SSC4D: variants seen among roughly 807,000 people sequenced by gnomAD.
SSC4D encodes the protein scavenger receptor cysteine rich family member with 4 domains.
In SSC4D, 57 loss-of-function variants were observed where a neutral mutation model predicts 63.4. That is an observed-to-expected ratio of 0.90 (90% CI 0.73 to 1.12). The LOEUF (loss-of-function observed/expected upper bound fraction) is 1.12. Among genes scored for constraint, SSC4D ranks in the 50% most tolerant of loss-of-function variants. SSC4D has a pLI of 0.00. For synonymous variants in SSC4D, 352 were observed against 345.4 expected, an observed-to-expected ratio of 1.02 and a Z score of -0.21; for missense variants, 791 against 806.4, an observed-to-expected ratio of 0.98 and a Z score of 0.23.
At chr7:76,400,796 C>T (rs928173662) in intron 3 of SSC4D, among the ~76,000 whole-genome samples, 80 of 152,158 alleles carry the variant, frequency 5.3e-4, no homozygotes, top group African/African-American at 1.7e-3. Context: ...ACGTGCACTA[C>T]GGGACCCAGC....
At chr7:76,392,813 T>A (rs1434589819) in intron 9 of SSC4D, among the ~76,000 whole-genome samples, 1 of 150,216 alleles carries the variant, frequency 6.7e-6, no homozygotes, top group East Asian at 1.9e-4. Context: ...AAAAAAGAAA[T>A]AGGTGTTGTG....
intron 2 of SSC4D, 108 bp downstream of exon 2, chr7:76,404,199 A>G: frequency 7.1e-7 from 1 of 1,405,210 alleles, no homozygotes; most frequent in Non-Finnish European, 9.4e-7. Context: ...ATTGGAAAGA[A>G]CAACAGGAAC....
rs1175891252 is a variant in SSC4D at position 76,390,291 on chromosome 7, T to A, written c.1496A>T (p.Asp499Val). 2 of 1,613,938 alleles carry A rather than the reference T, an allele frequency of 1.2e-6. No homozygotes were observed. Among genetic ancestry groups the A allele is most frequent in the Admixed American group, 3.3e-5 (2 of 60,004 alleles). The change falls in exon 11 of 11, where the codon GAT becomes GTT. Residue 499 changes from aspartate to valine, a missense_variant. Asp to Val is a radical substitution (Grantham distance 152). Coordinates refer to ENST00000275560, the MANE Select transcript of SSC4D (RefSeq NM_080744.2). Reference sequence around the variant, plus strand: ...GGCTGCCCGCAGGTCCCAAGCATCATCACAGACAGTGCCCCACCGTTGCCC... The same window carrying A: ...GGCTGCCCGCAGGTCCCAAGCATCAACACAGACAGTGCCCCACCGTTGCCC... ...YLGQRWGTVCDDAWDLRAAGV... is the reference protein window; with the variant it reads ...YLGQRWGTVCVDAWDLRAAGV...
At chr7:76,398,600 C>G in intron 5 of SSC4D, 120 bp downstream of exon 5, 1 of 1,179,082 alleles carries the variant, frequency 8.5e-7, no homozygotes, top group East Asian at 2.6e-5. Context: ...CCACCATGCC[C>G]AGCCATTTTC....
At chr7:76,408,091 G>A (rs555297603) in intron 1 of SSC4D, among the ~76,000 whole-genome samples, 3 of 152,284 alleles carry the variant, frequency 2.0e-5, no homozygotes, top group Middle Eastern at 3.4e-3. Context: ...TGTAGGAGGC[G>A]GCGGTAGAGA....
chr7:76,401,656 A>G (rs1804834064), intron 2 of SSC4D, among the ~76,000 whole-genome samples: 1 of 152,162 alleles, frequency 6.6e-6, no homozygotes, highest in African/African-American at 2.4e-5. Context: ...ACCTCAGGTA[A>G]TCCACCCACT....
At position 76,389,702 on chromosome 7, in the gene SSC4D, G is replaced by A; in HGVS notation, c.*357C>T. On this transcript the variant is annotated 3_prime_UTR_variant, in exon 11 of 11. Transcript: ENST00000275560. ...GAGATACCCCATTTAAAGAGCCCCT[G>A]AGCCTCCTGGATCTAGGTCAAGGAA... 1 of 239,186 alleles carries A rather than the reference G, an allele frequency of 4.2e-6. No homozygotes were observed. Among genetic ancestry groups the A allele is most frequent in the South Asian group, 6.5e-5 (1 of 15,304 alleles). The allele number at this position is 239,186 out of a possible 1,614,324, so 14.8% of individuals were successfully genotyped here. A position where few individuals can be genotyped will look rare whatever the true frequency, so the allele number is the denominator to read the frequency against.
chr7:76,402,438 T>C (rs892114112), intron 2 of SSC4D, among the ~76,000 whole-genome samples: 1 of 152,112 alleles, frequency 6.6e-6, no homozygotes, highest in Admixed American at 6.6e-5. Flanking sequence ...TGCCTCAGCC[T>C]CCCAAAGTGC....
chr7:76,397,345 G>C (rs1463128681), intron 6 of SSC4D, among the ~76,000 whole-genome samples, 173 bp downstream of exon 6: 1 of 152,228 alleles, frequency 6.6e-6, no homozygotes, highest in Non-Finnish European at 1.5e-5. Context: ...GGCACTTCTA[G>C]AACAGGACTG....
intron 7 of SSC4D, 36 bp from the exon 8 acceptor site, chr7:76,393,940 A>T: frequency 6.4e-7 from 1 of 1,565,816 alleles, no homozygotes; most frequent in Non-Finnish European, 8.7e-7. Flanking sequence ...TTCGAAGGGG[A>T]CGAGGAGGCC....
At chr7:76,405,348 T>TCTTTCTTTCTTTC (rs1471163670) in intron 1 of SSC4D, among the ~76,000 whole-genome samples, 1 of 112,472 alleles carries the variant, frequency 8.9e-6, no homozygotes, top group African/African-American at 3.2e-5. Context: ...TCTTTTTTTT[T>TCTTTCTTTCTTTC]TTTTTTTTTT....
At position 76,389,730 on chromosome 7, in the gene SSC4D, C is replaced by T; in HGVS notation, c.*329G>A. 1 of 286,140 alleles carries T rather than the reference C, an allele frequency of 3.5e-6. No individual in the cohort carries two copies. Among genetic ancestry groups the T allele is most frequent in the Non-Finnish European group, 6.6e-6 (1 of 150,944 alleles). 17.7% of individuals were successfully genotyped at this position (286,140 alleles called of 1,614,324 possible). On this transcript the variant is annotated 3_prime_UTR_variant, in exon 11 of 11. Transcript: ENST00000275560. ...CCTCCTGGATCTAGGTCAAGGAAGG[C>T]AGAGTCTGGTGCTATAAAAAGAGCC...
intron 1 of SSC4D, among the ~76,000 whole-genome samples, chr7:76,408,025 G>A (rs1377586989): frequency 6.6e-6 from 1 of 152,168 alleles, no homozygotes; most frequent in Non-Finnish European, 1.5e-5. Context: ...TCTTGGTGTT[G>A]GGGGTCAGGG....
At chr7:76,390,471 C>T (rs1371710269) in intron 10 of SSC4D, 96 bp from the exon 11 acceptor site, 1 of 1,156,750 alleles carries the variant, frequency 8.6e-7, no homozygotes, top group Non-Finnish European at 1.2e-6. Flanking sequence ...CTGAGACACT[C>T]TGAGCACTGC....
chr7:76,398,866 G>T, intron 4 of SSC4D, 69 bp from the exon 5 acceptor site: 2 of 1,546,536 alleles, frequency 1.3e-6, no homozygotes, highest in South Asian at 1.1e-5. Flanking sequence ...GGTGTTTAAG[G>T]GGCAGGAGGA....
At chr7:76,403,520 T>C (rs1253805936) in intron 2 of SSC4D, among the ~76,000 whole-genome samples, 3 of 151,608 alleles carry the variant, frequency 2.0e-5, no homozygotes, top group African/African-American at 7.3e-5. Context: ...GTATTTTTAG[T>C]AGAGACGGGG....
intron 6 of SSC4D, among the ~76,000 whole-genome samples, chr7:76,397,285 A>G (rs1804664321): frequency 6.6e-6 from 1 of 152,162 alleles, no homozygotes; most frequent in African/African-American, 2.4e-5. Flanking sequence ...TTAGTGCAAT[A>G]TTGTTTCATA....
intron 6 of SSC4D, among the ~76,000 whole-genome samples, chr7:76,396,272 G>A (rs778370305): frequency 2.3e-4 from 35 of 152,164 alleles, no homozygotes; most frequent in Non-Finnish European, 4.9e-4. Context: ...CATGAGATAC[G>A]CCCACTCGTA....
intron 3 of SSC4D, 87 bp from the exon 4 acceptor site, chr7:76,400,678 T>G: frequency 7.4e-7 from 1 of 1,343,510 alleles, no homozygotes; most frequent in Non-Finnish European, 9.8e-7. Flanking sequence ...ATTTTATTAT[T>G]ATTTTTTTTG....
Sources: allele counts gnomAD v4.1 joint callset (sites outside exome capture counted in the v4.1 genomes callset), GRCh38; gene constraint gnomAD v4.1.1; transcripts MANE v1.5; gene names NCBI Gene and HGNC (gene_info 2026-07-23, HGNC 2026-07-21).